Variants in CDH15 observed in about 807,000 individuals in gnomAD.
The protein encoded by CDH15 is cadherin-15.
CDH15 carries 73 observed loss-of-function variants against 69.4 expected under a neutral mutation model. The ratio of observed to expected loss-of-function variants is 1.05; its 90% CI spans 0.87 to 1.28. The LOEUF is 1.28. Ranked by LOEUF, CDH15 falls within the 50% of genes most tolerant of loss-of-function variation. The probability of loss-of-function intolerance (pLI) is 0.00; values close to 1 mark genes in which losing one functional copy is unlikely to be tolerated. For missense variants in CDH15, 1,343 were observed against 1,133.6 expected (o/e 1.18, Z -2.65); for synonymous variants, 624 against 507.7 (o/e 1.23, Z -3.08).
intron 3 of CDH15, 69 bp from the exon 4 acceptor site, chr16:89,183,479 G>C: frequency 1.3e-6 from 2 of 1,575,538 alleles, no homozygotes; most frequent in South Asian, 1.1e-5. Context: ...TGTCTCTTTC[G>C]CATGGCCCTA....
At position 89,183,408 on chromosome 16, in the gene CDH15, C is replaced by T. The variant is rs1048535130; in HGVS notation, c.358-140C>T. ...CAGTCACTGTGACAGATGCCCCACC[C>T]TGTGCTGTTTCTCGCCTGTTTAAGC... On this transcript the variant is annotated intron_variant, in intron 3 of 13. Coordinates refer to ENST00000289746, the MANE Select transcript of CDH15 (RefSeq NM_004933.3). The T allele has an allele frequency of 1.7e-5, 16 of 925,132 alleles. No individual in the cohort carries two copies. The East Asian group carries it at 4.2e-4, about 24-fold the overall frequency. The allele number at this position is 925,132 out of a possible 1,614,324, so 57.3% of individuals were successfully genotyped here.
At chr16:89,187,845 T>A (rs1283979259) in intron 6 of CDH15, among the ~76,000 whole-genome samples, 1 of 152,094 alleles carries the variant, frequency 6.6e-6, no homozygotes, top group East Asian at 1.9e-4. Context: ...CGGCCTTTGC[T>A]GTATGGGAAG....
At chr16:89,187,063 C>T (rs967680863) in intron 5 of CDH15, among the ~76,000 whole-genome samples, 5 of 120,768 alleles carry the variant, frequency 4.1e-5, no homozygotes, top group Admixed American at 8.7e-5. Flanking sequence ...ACGCTTACCC[C>T]GGGCACACAA....
rs1315072378 is a variant in CDH15, at chr16:89,191,865, G to C, written c.1586G>C (p.Gly529Ala). The C allele has an allele frequency of 6.3e-7, 1 of 1,593,490 alleles. No homozygotes were observed. The highest frequency in any genetic ancestry group is 2.3e-5 in the East Asian group (1 of 44,420). ...FQLSPRLPEL[G>A]RNWSLSQVNV... ...CTGAGCCCCAGGCTCCCAGAGCTCGGCCGGAACTGGAGCCTCAGCCAGGTC... is the reference window on the plus strand; with the variant it reads ...CTGAGCCCCAGGCTCCCAGAGCTCGCCCGGAACTGGAGCCTCAGCCAGGTC... Residue 529 changes from glycine to alanine, a missense_variant, in exon 10 of 14, where the codon GGC (glycine) becomes GCC (alanine). Transcript: ENST00000289746.
intron 9 of CDH15, 38 bp downstream of exon 9, chr16:89,191,510 C>T: frequency 6.2e-7 from 1 of 1,608,282 alleles, no homozygotes; most frequent in Non-Finnish European, 8.5e-7. Context: ...CCTGACCTGG[C>T]CTTGTCCCGG....
Position 89,171,875 on chromosome 16 carries a change from T to C in CDH15, c.42+2T>C. 6.4e-7 allele frequency: 1 copy of C among 1,556,924 alleles called. No homozygotes were observed. Among genetic ancestry groups the C allele is most frequent in the Non-Finnish European group, 8.7e-7 (1 of 1,154,302 alleles). ...CTCGTCCTCGGGCTGTTGGCCCAGGTAAGGCATCGGCACCTGCGGGGGTCC... is the reference window on the plus strand; with the variant it reads ...CTCGTCCTCGGGCTGTTGGCCCAGGCAAGGCATCGGCACCTGCGGGGGTCC... On this transcript the variant is annotated splice_donor_variant, in intron 1 of 13. Coordinates refer to ENST00000289746, the MANE Select transcript of CDH15 (RefSeq NM_004933.3). LOFTEE classifies it high-confidence loss of function.
At chr16:89,178,892 C>T (rs1419950457) in intron 1 of CDH15, among the ~76,000 whole-genome samples, 1 of 152,210 alleles carries the variant, frequency 6.6e-6, no homozygotes, top group Non-Finnish European at 1.5e-5. Flanking sequence ...ACTGTGCCCA[C>T]AGGCACCGCC....
chr16:89,179,354 T>A, intron 1 of CDH15, 62 bp from the exon 2 acceptor site: 1 of 1,597,768 alleles, frequency 6.3e-7, no homozygotes, highest in Non-Finnish European at 8.6e-7. Flanking sequence ...AGCTCCCAGC[T>A]GCACGCTGCC....
intron 2 of CDH15, 96 bp downstream of exon 2, chr16:89,179,670 C>A: frequency 7.5e-7 from 1 of 1,327,018 alleles, no homozygotes; most frequent in Non-Finnish European, 1.0e-6. Context: ...GCCAGCGGGG[C>A]CCCATTTCAG....
chr16:89,183,378 G>T, intron 3 of CDH15, 170 bp from the exon 4 acceptor site: 1 of 714,864 alleles, frequency 1.4e-6, no homozygotes, highest in Non-Finnish European at 2.3e-6. Flanking sequence ...GTTCAGGGAC[G>T]TCCTCAGTCA....
chr16:89,177,220 C>T (rs1375546471), intron 1 of CDH15, among the ~76,000 whole-genome samples: 1 of 152,040 alleles, frequency 6.6e-6, no homozygotes, highest in Non-Finnish European at 1.5e-5. Context: ...ACCCCCACAG[C>T]CCTGCAGTGG....
intron 1 of CDH15, among the ~76,000 whole-genome samples, chr16:89,175,042 T>C (rs1481196506): frequency 3.3e-5 from 5 of 152,142 alleles, no homozygotes; most frequent in African/African-American, 1.2e-4. Flanking sequence ...GTGGCCAGCC[T>C]GCTCACCCAC....
rs1321671590 is a variant in CDH15, at chr16:89,191,854, C to G, written c.1575C>G (p.Leu525=). 1.9e-6 allele frequency: 3 copies of G among 1,599,266 alleles called. No individual in the cohort carries two copies. Among genetic ancestry groups the G allele is most frequent in the Non-Finnish European group, 2.5e-6 (3 of 1,177,658 alleles). The change falls in exon 10 of 14, where the codon CTC becomes CTG. Residue 525 remains leucine, a synonymous_variant. Coordinates refer to ENST00000289746, the MANE Select transcript of CDH15 (RefSeq NM_004933.3). Reference sequence around the variant, plus strand: ...TCCACTTCCAGCTGAGCCCCAGGCTCCCAGAGCTCGGCCGGAACTGGAGCC... The same window carrying G: ...TCCACTTCCAGCTGAGCCCCAGGCTGCCAGAGCTCGGCCGGAACTGGAGCC... ...APFHFQLSPR[L]PELGRNWSLS...
chr16:89,193,406 G>T, intron 11 of CDH15, 64 bp from the exon 12 acceptor site: 1 of 1,245,690 alleles, frequency 8.0e-7, no homozygotes, highest in Middle Eastern at 3.0e-4. Flanking sequence ...CACCTCCTTC[G>T]CAGCCCGGCC....
intron 1 of CDH15, among the ~76,000 whole-genome samples, chr16:89,175,992 A>T (rs1035860305): frequency 3.4e-4 from 52 of 152,338 alleles, no homozygotes; most frequent in Non-Finnish European, 5.0e-4. Flanking sequence ...TGGGCACAGG[A>T]CACAGTCAGA....
In CDH15 at chr16:89,193,594, G is replaced by A. The variant is rs374687154; in HGVS notation, c.1980G>A (p.Gly660=). The part of the protein sequence containing the change: ...NVLNYDEQGG[G]EEDQDAYDIS... ...TCAACTACGATGAGCAAGGAGGCGG[G>A]GAGGAGGACCAGGTGAGGGGGCAGG... The change falls in exon 12 of 14, where the codon GGG becomes GGA. Residue 660 remains glycine, a synonymous_variant. Coordinates refer to ENST00000289746, the MANE Select transcript of CDH15 (RefSeq NM_004933.3). 22 of 1,600,558 alleles carry A rather than the reference G, an allele frequency of 1.4e-5. No homozygotes were observed. Among genetic ancestry groups the A allele is most frequent in the Non-Finnish European group, 1.7e-5 (20 of 1,174,556 alleles).
chr16:89,176,627 G>A (rs1029950686), intron 1 of CDH15, among the ~76,000 whole-genome samples: 10 of 147,020 alleles, frequency 6.8e-5, no homozygotes, highest in East Asian at 2.2e-4. Flanking sequence ...ACTTGGTGCC[G>A]GCTGGGGAGT....
intron 4 of CDH15, 58 bp from the exon 5 acceptor site, chr16:89,185,115 T>A: frequency 6.6e-7 from 1 of 1,520,862 alleles, no homozygotes; most frequent in Non-Finnish European, 8.9e-7. Flanking sequence ...CCCCTCACAA[T>A]GCCCCCAGCC....
In CDH15 at chr16:89,195,284, C is replaced by G; in HGVS notation, c.*129C>G. ...AGCCTCCTTCCTGTAGGCGAGGGCC[C>G]AAGTCTGGGGGCAGAACCTGAGTGT... On this transcript the variant is annotated 3_prime_UTR_variant, in exon 14 of 14. Coordinates refer to ENST00000289746, the MANE Select transcript of CDH15 (RefSeq NM_004933.3). 2 of 995,232 alleles carry G rather than the reference C, an allele frequency of 2.0e-6. No homozygotes were observed. Among genetic ancestry groups the G allele is most frequent in the Non-Finnish European group, 2.9e-6 (2 of 698,810 alleles). 61.7% of individuals were successfully genotyped at this position (995,232 alleles called of 1,614,324 possible).
Sources: allele counts gnomAD v4.1 joint callset (sites outside exome capture counted in the v4.1 genomes callset), GRCh38; gene constraint gnomAD v4.1.1; transcripts MANE v1.5; gene names NCBI Gene and HGNC (gene_info 2026-07-23, HGNC 2026-07-21).